Variants in ITSN1 observed in about 807,000 individuals in gnomAD.
ITSN1 encodes the protein intersectin 1, also known as intersectin-1.
Under a neutral mutation model 239.8 loss-of-function variants are expected in ITSN1, and 58 were observed. The ratio of observed to expected loss-of-function variants is 0.24; its 90% CI spans 0.20 to 0.30. The LOEUF (loss-of-function observed/expected upper bound fraction) is 0.30, where lower values mean the gene tolerates loss of function less well. Among genes scored for constraint, ITSN1 ranks in the 10% least tolerant of loss-of-function variants. ITSN1 has a pLI of 1.00. For synonymous variants in ITSN1, 780 were observed against 770.8 expected, an observed-to-expected ratio of 1.01 and a Z score of -0.20; for missense variants, 1,558 against 2,103.3, an observed-to-expected ratio of 0.74 and a Z score of 5.07.
At chr21:33,705,040 G>A (rs2092191268) in intron 1 of ITSN1, among the ~76,000 whole-genome samples, 1 of 150,590 alleles carries the variant, frequency 6.6e-6, no homozygotes, top group Non-Finnish European at 1.5e-5. Context: ...GAACCTGGGA[G>A]GCAGAGGTTG....
At chr21:33,845,336 T>C (rs1171750029) in intron 29 of ITSN1, among the ~76,000 whole-genome samples, 1 of 152,140 alleles carries the variant, frequency 6.6e-6, no homozygotes, top group Non-Finnish European at 1.5e-5. Context: ...AGGCCAGGGC[T>C]GAAGGAGCTG....
chr21:33,705,322 AAG>A (rs1263382664), intron 1 of ITSN1, among the ~76,000 whole-genome samples: 2 of 152,176 alleles, frequency 1.3e-5, no homozygotes, highest in African/African-American at 4.8e-5. Context: ...TGATTATAAA[AAG>A]AAGAATATGA....
intron 1 of ITSN1, among the ~76,000 whole-genome samples, chr21:33,702,138 C>T (rs547136428): frequency 7.6e-5 from 11 of 144,982 alleles, no homozygotes; most frequent in Admixed American, 4.8e-4. Flanking sequence ...TTTTTTTAGA[C>T]GGAGTCTTGC....
At position 33,875,492 on chromosome 21, in the gene ITSN1, G is replaced by A; in HGVS notation, c.4312G>A (p.Ala1438Thr). 1 of 1,614,154 alleles carries A rather than the reference G, an allele frequency of 6.2e-7. No homozygotes were observed. The highest frequency in any genetic ancestry group is 8.5e-7 in the Non-Finnish European group (1 of 1,180,018). Residue 1438 changes from alanine (A) to threonine (T), a missense_variant, in exon 34 of 40, where the codon GCC (alanine) becomes ACC (threonine). Transcript: ENST00000381318. Reference sequence around the variant, plus strand: ...CTCTGACCGGCTGGAGTGGATCCAGGCCCACGTGCAGTGTGAAGGCCTGTC... The same window carrying A: ...CTCTGACCGGCTGGAGTGGATCCAGACCCACGTGCAGTGTGAAGGCCTGTC... The part of the protein sequence containing the change: ...ENSDRLEWIQ[A>T]HVQCEGLSEQ...
intron 1 of ITSN1, among the ~76,000 whole-genome samples, chr21:33,699,665 A>G (rs2091927773): frequency 6.6e-6 from 1 of 152,190 alleles, no homozygotes; most frequent in Non-Finnish European, 1.5e-5. Context: ...GTTGTGGTGA[A>G]CTGAGATTGT....
In ITSN1 at chr21:33,737,784, C is replaced by T. The variant is rs182103345; in HGVS notation, c.346+2580C>T. ...AGACAGGGTTCCACCATGTTGGTCA[C>T]GCTGGTCTTGAATTCCTGACCTCAG... On this transcript the variant is annotated intron_variant, in intron 5 of 39. Transcript: ENST00000381318. Among the ~76,000 whole-genome samples the T allele has an allele frequency of 4.2e-4, 64 of 152,128 alleles. 1 individual carries two copies. In the East Asian group the frequency reaches 9.4e-3, roughly 22 times the overall value.
intron 5 of ITSN1, among the ~76,000 whole-genome samples, chr21:33,746,845 A>T (rs1328673421): frequency 6.6e-6 from 1 of 151,396 alleles, no homozygotes; most frequent in East Asian, 1.9e-4. Flanking sequence ...TCTGTCACAG[A>T]AAAAAAAAGG....
chr21:33,743,442 G>A (rs1479687043), intron 5 of ITSN1, among the ~76,000 whole-genome samples: 1 of 152,184 alleles, frequency 6.6e-6, no homozygotes, highest in Non-Finnish European at 1.5e-5. Context: ...CTCCAGCCTC[G>A]GGGATAGAGT....
intron 5 of ITSN1, among the ~76,000 whole-genome samples, chr21:33,735,878 C>T (rs575552104): frequency 6.6e-6 from 1 of 152,092 alleles, no homozygotes; most frequent in Admixed American, 6.6e-5. Flanking sequence ...GTGGTGCGCA[C>T]CTGTAATCCC....
At chr21:33,680,376 A>G (rs1419013334) in intron 1 of ITSN1, among the ~76,000 whole-genome samples, 3 of 148,348 alleles carry the variant, frequency 2.0e-5, no homozygotes, top group Admixed American at 1.3e-4. Flanking sequence ...CTGTTGCCCA[A>G]GCTGGAATGC....
intron 8 of ITSN1, among the ~76,000 whole-genome samples, chr21:33,759,374 A>T (rs890971239): frequency 2.6e-5 from 4 of 152,212 alleles, no homozygotes; most frequent in Non-Finnish European, 5.9e-5. Flanking sequence ...GGGAGTCAGG[A>T]CTAGAATCCA....
intron 12 of ITSN1, among the ~76,000 whole-genome samples, chr21:33,773,932 G>C (rs544859155): frequency 6.6e-6 from 1 of 151,912 alleles, no homozygotes; most frequent in Admixed American, 6.6e-5. Flanking sequence ...CGCCTGCCTC[G>C]GCCTACCAAA....
At chr21:33,750,020 C>G in intron 5 of ITSN1, 123 bp from the exon 6 acceptor site, 1 of 895,178 alleles carries the variant, frequency 1.1e-6, no homozygotes, top group Non-Finnish European at 1.8e-6. Flanking sequence ...ACTTGAAGCC[C>G]TATTTTAATT....
At chr21:33,744,055 A>G (rs938116760) in intron 5 of ITSN1, among the ~76,000 whole-genome samples, 5 of 152,244 alleles carry the variant, frequency 3.3e-5, no homozygotes, top group African/African-American at 1.2e-4. Flanking sequence ...AGCACTAAAT[A>G]TATAGTTAGC....
chr21:33,735,994 TCAAAA>T (rs2066477664), intron 5 of ITSN1, among the ~76,000 whole-genome samples: 1 of 152,228 alleles, frequency 6.6e-6, no homozygotes, highest in Non-Finnish European at 1.5e-5. Flanking sequence ...AGACTTCGTC[TCAAAA>T]CAAACGTGAT....
At chr21:33,874,424 T>A (rs1323031444) in intron 33 of ITSN1, among the ~76,000 whole-genome samples, 1 of 152,148 alleles carries the variant, frequency 6.6e-6, no homozygotes, top group Admixed American at 6.6e-5. Flanking sequence ...AAGCATAGAC[T>A]GCGCTGTCCC....
At chr21:33,849,366 G>C (rs1019935197) in intron 29 of ITSN1, among the ~76,000 whole-genome samples, 2 of 151,936 alleles carry the variant, frequency 1.3e-5, no homozygotes, top group Admixed American at 1.3e-4. Flanking sequence ...AGGAGTTGAA[G>C]ACCAGCCTGG....
chr21:33,751,090 A>G (rs2067518290), intron 6 of ITSN1, among the ~76,000 whole-genome samples: 1 of 152,218 alleles, frequency 6.6e-6, no homozygotes, highest in East Asian at 1.9e-4. Flanking sequence ...ATGGCCAAAT[A>G]AGCTAAATGT....
chr21:33,823,363 C>A, intron 24 of ITSN1, 124 bp from the exon 25 acceptor site: 1 of 829,332 alleles, frequency 1.2e-6, no homozygotes, highest in Non-Finnish European at 1.9e-6. Flanking sequence ...TTATCTGTGA[C>A]TAGCCTTTCT....
Sources: gnomAD v4.1 joint callset for allele counts (sites outside exome capture counted in the v4.1 genomes callset) on GRCh38, gnomAD v4.1.1 for gene constraint, MANE v1.5 for transcripts, NCBI Gene and HGNC (gene_info 2026-07-23, HGNC 2026-07-21) for gene names.